SSBP3: variants seen among roughly 807,000 people sequenced by gnomAD.
The protein encoded by SSBP3 is single-stranded DNA-binding protein 3.
In SSBP3, 5 loss-of-function variants were observed where a neutral mutation model predicts 69.6. The ratio of observed to expected loss-of-function variants is 0.07; its 90% CI spans 0.04 to 0.15. The LOEUF (loss-of-function observed/expected upper bound fraction) is 0.15, where lower values mean the gene tolerates loss of function less well. SSBP3 is among the 10% of genes least tolerant of loss of function. The pLI, the probability that SSBP3 is intolerant of heterozygous loss-of-function variation, is 1.00. For synonymous variants in SSBP3, 196 were observed against 193.4 expected (o/e 1.01, Z -0.11); for missense variants, 312 against 534.0 (o/e 0.58, Z 4.10).
chr1:54,285,957 C>G (rs1645481916), intron 4 of SSBP3, among the ~76,000 whole-genome samples: 1 of 152,168 alleles, frequency 6.6e-6, no homozygotes. Context: ...AGGAGATGAC[C>G]ACTAAGGCTC....
intron 4 of SSBP3, among the ~76,000 whole-genome samples, chr1:54,368,372 A>C (rs1223831728): frequency 6.6e-6 from 1 of 151,868 alleles, no homozygotes; most frequent in Non-Finnish European, 1.5e-5. Flanking sequence ...ATAGGTGCTT[A>C]ATGAAGAAAA....
intron 4 of SSBP3, among the ~76,000 whole-genome samples, chr1:54,327,528 C>T (rs532814004): frequency 6.6e-6 from 1 of 152,058 alleles, no homozygotes; most frequent in African/African-American, 2.4e-5. Context: ...CAAATGTAGC[C>T]GTTAACATAA....
At chr1:54,349,254 G>A (rs571933442) in intron 4 of SSBP3, among the ~76,000 whole-genome samples, 2 of 152,184 alleles carry the variant, frequency 1.3e-5, no homozygotes, top group Middle Eastern at 3.2e-3. Flanking sequence ...CCATCCACCA[G>A]CATGTCAGCT....
chr1:54,236,981 T>C (rs1352042558), intron 14 of SSBP3: 3 of 152,266 alleles, frequency 2.0e-5, no homozygotes, highest in Admixed American at 6.5e-5. Flanking sequence ...AACTGTGTAC[T>C]GTCTGCCAAA....
intron 4 of SSBP3, among the ~76,000 whole-genome samples, chr1:54,347,636 T>C (rs1646711260): frequency 6.6e-6 from 1 of 152,196 alleles, no homozygotes; most frequent in African/African-American, 2.4e-5. Flanking sequence ...GAGGTGATAT[T>C]GGATTAGGGT....
At chr1:54,289,884 G>A (rs1238449041) in intron 4 of SSBP3, among the ~76,000 whole-genome samples, 1 of 152,136 alleles carries the variant, frequency 6.6e-6, no homozygotes, top group African/African-American at 2.4e-5. Flanking sequence ...CAGGCGAGGA[G>A]CCAGCCACCT....
intron 4 of SSBP3, among the ~76,000 whole-genome samples, chr1:54,328,971 A>G (rs1646358693): frequency 6.6e-6 from 1 of 152,166 alleles, no homozygotes; most frequent in Non-Finnish European, 1.5e-5. Flanking sequence ...GTCTCTGGCT[A>G]GTGGGTTTTT....
chr1:54,371,372 A>G (rs1177415745), intron 4 of SSBP3, among the ~76,000 whole-genome samples: 1 of 152,222 alleles, frequency 6.6e-6, no homozygotes, highest in African/African-American at 2.4e-5. Context: ...TGTGTGCATG[A>G]ACATGTCACA....
Position 54,332,918 on chromosome 1 carries a change from G to A in SSBP3, c.277-51391C>T, listed in dbSNP as rs181084602. The stretch of plus-strand genomic sequence containing the variant: ...AGGAGGGGAGTAAGCAAACATGCAC[G>A]CACACACACGCGCGAGCACACACAC... On this transcript the variant is annotated intron_variant, in intron 4 of 17. Transcript: ENST00000610401. 1.2e-3 allele frequency among the ~76,000 whole-genome samples: 179 copies of A among 152,210 alleles called. 1 individual carries two copies. Among genetic ancestry groups the A allele is most frequent in the African/African-American group, 3.9e-3 (164 of 41,532 alleles).
chr1:54,385,488 AACACAC>A (rs1030734076), intron 4 of SSBP3, among the ~76,000 whole-genome samples: 1 of 151,422 alleles, frequency 6.6e-6, no homozygotes, highest in Non-Finnish European at 1.5e-5. Flanking sequence ...CCCAACCCCA[AACACAC>A]ACACACACAA....
At chr1:54,371,782 T>C (rs1305618632) in intron 4 of SSBP3, among the ~76,000 whole-genome samples, 1 of 152,176 alleles carries the variant, frequency 6.6e-6, no homozygotes, top group African/African-American at 2.4e-5. Flanking sequence ...GACAGGCTCC[T>C]GGCCTCAAAA....
Position 54,386,683 on chromosome 1 carries a change from C to CTTTTTTTTTTTTTTTTTTGTTTT in SSBP3, c.276+15177_276+15178insAAAACAAAAAAAAAAAAAAAAAA, listed in dbSNP as rs1648107547. Among the ~76,000 whole-genome samples the CTTTTTTTTTTTTTTTTTTGTTTT allele has an allele frequency of 2.6e-5, 2 of 76,136 alleles. 1 individual carries two copies. Among genetic ancestry groups the CTTTTTTTTTTTTTTTTTTGTTTT allele is most frequent in the Admixed American group, 3.2e-4 (2 of 6,262 alleles). 49.9% of individuals were successfully genotyped at this position (76,136 alleles called of 152,430 possible). On this transcript the variant is annotated intron_variant, in intron 4 of 17. Transcript: ENST00000610401. Reference sequence around the variant, plus strand: ...ATCCACAATGTATAAACTGATCCTACTTTTTTTTTTTTTTTTTTTTTAAGA... The same window carrying CTTTTTTTTTTTTTTTTTTGTTTT: ...ATCCACAATGTATAAACTGATCCTACTTTTTTTTTTTTTTTTTTGTTTTTTTTTTTTTTTTTTTTTTTTTAAGA...
At chr1:54,404,626 T>C (rs150780298) in exon 3 of SSBP3, 1 of 1,613,806 alleles carries the variant, frequency 6.2e-7, no homozygotes, top group African/African-American at 1.3e-5. Flanking sequence ...TGATGTTTTT[T>C]TCCCATCGAA....
chr1:54,398,096 A>G (rs1485387725), intron 4 of SSBP3, among the ~76,000 whole-genome samples: 1 of 152,202 alleles, frequency 6.6e-6, no homozygotes, highest in East Asian at 1.9e-4. Flanking sequence ...GAGAGGCAGA[A>G]CTAGAAAGAT....
chr1:54,259,545 T>C (rs1272208633), intron 5 of SSBP3, among the ~76,000 whole-genome samples: 1 of 152,174 alleles, frequency 6.6e-6, no homozygotes, highest in Non-Finnish European at 1.5e-5. Context: ...TGCTGTTTTT[T>C]AGAGGTTGGT....
At chr1:54,398,211 T>C (rs1213696378) in intron 4 of SSBP3, among the ~76,000 whole-genome samples, 1 of 152,116 alleles carries the variant, frequency 6.6e-6, no homozygotes, top group Non-Finnish European at 1.5e-5. Context: ...GGGAGTGAGA[T>C]TTTGTAACAA....
chr1:54,406,832 T>C (rs1649815019), upstream of SSBP3, among the ~76,000 whole-genome samples: 1 of 148,010 alleles, frequency 6.8e-6, no homozygotes, highest in African/African-American at 2.5e-5. Flanking sequence ...CTCTCCCTTA[T>C]CTGCCCCTCA....
intron 4 of SSBP3, among the ~76,000 whole-genome samples, chr1:54,335,476 C>A (rs1646492279): frequency 6.6e-6 from 1 of 152,192 alleles, no homozygotes; most frequent in South Asian, 2.1e-4. Flanking sequence ...ATGTCAAGAA[C>A]CCTCATGCAA....
chr1:54,259,486 C>T (rs1344906989), intron 5 of SSBP3, among the ~76,000 whole-genome samples: 2 of 152,192 alleles, frequency 1.3e-5, no homozygotes, highest in African/African-American at 4.8e-5. Context: ...GATGCTGATG[C>T]CAGGGATGAG....
Sources: allele counts gnomAD v4.1 joint callset (sites outside exome capture counted in the v4.1 genomes callset), GRCh38; gene constraint gnomAD v4.1.1; transcripts MANE v1.5; gene names NCBI Gene and HGNC (gene_info 2026-07-23, HGNC 2026-07-21).